ALDH1A2: variants seen among roughly 807,000 people sequenced by gnomAD.
ALDH1A2 encodes the protein aldehyde dehydrogenase 1 family member A2, also known as retinal dehydrogenase 2.
A neutral mutation model predicts 60.3 loss-of-function variants in ALDH1A2; 27 were observed. The observed-to-expected ratio is 0.45, with a 90% CI of 0.33 to 0.62. The LOEUF is 0.62. Among genes scored for constraint, ALDH1A2 ranks in the 20% least tolerant of loss-of-function variants. The pLI is 0.02. For missense variants in ALDH1A2, 581 were observed against 643.8 expected (o/e 0.90, Z 1.06); for synonymous variants, 289 against 232.4 (o/e 1.24, Z -2.21).
chr15:58,065,540 G>A lies in ALDH1A2; in HGVS notation c.111C>T (p.Tyr37=), dbSNP rs145381706. 103 of 1,613,168 alleles carry A rather than the reference G, an allele frequency of 6.4e-5. No homozygotes were observed. The African/African-American group carries it at 1.2e-3, about 19-fold the overall frequency. ...GCGCTGGGCGGCCGCTTACCTTGGT[G>A]TACTTAATTTCGAGATTGGGCGTGG... is the stretch of plus-strand genomic sequence containing the variant. The part of the protein sequence containing the change: ...PSPTPNLEIK[Y]TKIFINNEWQ... The change falls in exon 1 of 13, where the codon TAC becomes TAT. Residue 37 remains tyrosine, a synonymous_variant. Coordinates refer to ENST00000249750, the MANE Select transcript of ALDH1A2 (RefSeq NM_003888.4).
In ALDH1A2 at chr15:57,964,025, G is replaced by T. The variant is rs1260869155; in HGVS notation, c.946C>A (p.Gln316Lys). The T allele has an allele frequency of 6.2e-7, 1 of 1,614,144 alleles. No individual in the cohort carries two copies. The highest frequency in any genetic ancestry group is 1.7e-5 in the Admixed American group (1 of 60,024). Residue 316 changes from glutamine to lysine, a missense_variant, in exon 9 of 13, where the codon CAA becomes AAA. Physicochemically the swap from Gln to Lys is moderately conservative, Grantham distance 53 (BLOSUM62 1). Around this residue, in one of 2 missense-constraint regions of ALDH1A2, gnomAD observed 375 missense variants for 469.7 expected, o/e 0.80. Transcript: ENST00000249750. ...EQAHQGVFFNQGQCCTAGSRI... is the reference protein window; with the variant it reads ...EQAHQGVFFNKGQCCTAGSRI... ...GAGCCTGCAGTGCAGCACTGACCTT[G>T]ATTGAAGAACACACCCTGGTGGGCC... is the stretch of plus-strand genomic sequence containing the variant.
chr15:57,979,812 T>G, intron 7 of ALDH1A2: 2 of 255,592 alleles, frequency 7.8e-6, no homozygotes, highest in Middle Eastern at 2.1e-3. Context: ...CGTCAGCCAC[T>G]GTGCCTGGCA....
At chr15:57,980,917 G>A (rs1223526807) in intron 7 of ALDH1A2, among the ~76,000 whole-genome samples, 1 of 152,084 alleles carries the variant, frequency 6.6e-6, no homozygotes, top group Non-Finnish European at 1.5e-5. Context: ...CTGGTCCTGG[G>A]CTTTTCTTTT....
intron 1 of ALDH1A2, among the ~76,000 whole-genome samples, chr15:58,040,550 G>A (rs1282298096): frequency 6.6e-6 from 1 of 151,860 alleles, no homozygotes; most frequent in African/African-American, 2.4e-5. Flanking sequence ...AAAGGAATAA[G>A]CTAAAGTTTA....
intron 1 of ALDH1A2, among the ~76,000 whole-genome samples, chr15:58,021,157 G>A (rs1290700489): frequency 6.6e-6 from 1 of 152,034 alleles, no homozygotes; most frequent in Non-Finnish European, 1.5e-5. Context: ...CATATGGTTA[G>A]ATTTTATTTA....
intron 4 of ALDH1A2, among the ~76,000 whole-genome samples, chr15:58,009,620 C>T (rs118050847): frequency 2.0e-5 from 3 of 150,976 alleles, no homozygotes; most frequent in Non-Finnish European, 4.4e-5. Flanking sequence ...ATTTCCTTTC[C>T]TTATGTCTAT....
chr15:57,988,645 C>T (rs949322396), intron 7 of ALDH1A2, among the ~76,000 whole-genome samples: 4 of 152,142 alleles, frequency 2.6e-5, no homozygotes, highest in Admixed American at 6.5e-5. Context: ...CATCTTGATT[C>T]GGATGGTTAC....
At chr15:57,961,349 T>C (rs1362770290) in intron 10 of ALDH1A2, 55 bp from the exon 11 acceptor site, 49 of 1,590,800 alleles carry the variant, frequency 3.1e-5, no homozygotes, top group Non-Finnish European at 3.8e-5. Context: ...TTTACCTGCT[T>C]TCCACATTTC....
At chr15:58,018,654 C>T (rs1478843483) in intron 1 of ALDH1A2, among the ~76,000 whole-genome samples, 1 of 152,030 alleles carries the variant, frequency 6.6e-6, no homozygotes, top group Non-Finnish European at 1.5e-5. Flanking sequence ...CTGATGTCAC[C>T]AGCAATGGGA....
chr15:58,010,880 A>G, intron 3 of ALDH1A2, 102 bp from the exon 4 acceptor site: 1 of 1,442,048 alleles, frequency 6.9e-7, no homozygotes, highest in Admixed American at 1.8e-5. Context: ...ATACAAATGC[A>G]TATGGAGTTG....
intron 1 of ALDH1A2, among the ~76,000 whole-genome samples, chr15:58,063,476 T>C (rs1566965328): frequency 6.6e-6 from 1 of 152,196 alleles, no homozygotes; most frequent in Non-Finnish European, 1.5e-5. Flanking sequence ...AAAAACTCAC[T>C]ATTAATCTTA....
intron 1 of ALDH1A2, among the ~76,000 whole-genome samples, chr15:58,030,117 G>A (rs953321410): frequency 1.3e-5 from 2 of 152,150 alleles, no homozygotes; most frequent in Non-Finnish European, 2.9e-5. Flanking sequence ...TATCCCTGAT[G>A]GACACTGCTA....
intron 12 of ALDH1A2, among the ~76,000 whole-genome samples, chr15:57,957,576 A>G (rs780607845): frequency 6.6e-6 from 1 of 152,218 alleles, no homozygotes; most frequent in African/African-American, 2.4e-5. Context: ...AAAGGTATGC[A>G]TATCATTACT....
intron 1 of ALDH1A2, among the ~76,000 whole-genome samples, chr15:58,042,813 G>T (rs1356990673): frequency 1.3e-5 from 2 of 151,872 alleles, no homozygotes; most frequent in African/African-American, 2.4e-5. Context: ...AATGAAGGTG[G>T]TTCACAAGGA....
Position 58,005,029 on chromosome 15 carries a change from G to A in ALDH1A2, c.493+5620C>T, listed in dbSNP as rs151271752. Among the ~76,000 whole-genome samples the A allele has an allele frequency of 2.4e-3, 361 of 151,880 alleles. 2 individuals carry two copies. Among genetic ancestry groups the A allele is most frequent in the African/African-American group, 8.4e-3 (348 of 41,452 alleles). ...AAGGCACTCACCTATTTAATTTGGTGACTCACTATTGCCTACAGAATAAAA... is the reference window on the plus strand; with the variant it reads ...AAGGCACTCACCTATTTAATTTGGTAACTCACTATTGCCTACAGAATAAAA... On this transcript the variant is annotated intron_variant, in intron 4 of 12. Coordinates refer to ENST00000249750, the MANE Select transcript of ALDH1A2 (RefSeq NM_003888.4).
At chr15:58,028,426 G>C (rs1896137867) in intron 1 of ALDH1A2, among the ~76,000 whole-genome samples, 1 of 152,094 alleles carries the variant, frequency 6.6e-6, no homozygotes, top group Admixed American at 6.6e-5. Flanking sequence ...GGAACAACTG[G>C]TACCAGCCAC....
intron 7 of ALDH1A2, among the ~76,000 whole-genome samples, chr15:57,989,861 C>T (rs1894835444): frequency 6.6e-6 from 1 of 151,940 alleles, no homozygotes; most frequent in Non-Finnish European, 1.5e-5. Flanking sequence ...CATAAAAGTA[C>T]TGAAAGAAAA....
At chr15:58,031,029 T>TAA (rs1338438302) in intron 1 of ALDH1A2, among the ~76,000 whole-genome samples, 17 of 152,050 alleles carry the variant, frequency 1.1e-4, no homozygotes, top group African/African-American at 4.1e-4. Context: ...TGGAAAAAAC[T>TAA]AAAGTTCACA....
chr15:58,030,989 T>A (rs56183601), intron 1 of ALDH1A2, among the ~76,000 whole-genome samples: 9,662 of 152,096 alleles, frequency 0.064, 343 homozygotes, highest in Middle Eastern at 0.13. Context: ...GCCATCCCCA[T>A]CAAGCTACCA....
Sources: allele counts gnomAD v4.1 joint callset (sites outside exome capture counted in the v4.1 genomes callset), GRCh38; gene constraint gnomAD v4.1.1; regional missense constraint gnomAD v4.1.1; transcripts MANE v1.5; gene names NCBI Gene and HGNC (gene_info 2026-07-23, HGNC 2026-07-21).